The following FZR1 variants were observed in gnomAD, a reference collection of about 807,000 sequenced individuals.
FZR1 encodes fizzy-related protein homolog.
FZR1 carries 11 observed loss-of-function variants against 63.6 expected under a neutral mutation model. The observed-to-expected ratio is 0.17, with a 90% CI of 0.11 to 0.29. The LOEUF (loss-of-function observed/expected upper bound fraction) is 0.29. Among genes scored for constraint, FZR1 ranks in the 10% least tolerant of loss-of-function variants. FZR1 has a pLI of 1.00. For synonymous variants in FZR1, 328 were observed against 297.9 expected, an observed-to-expected ratio of 1.10 and a Z score of -1.04; for missense variants, 440 against 687.5, an observed-to-expected ratio of 0.64 and a Z score of 4.03.
rs1465364957 is a variant in FZR1, at chr19:3,525,358, C to T, written c.70-510C>T. Reference sequence around the variant, plus strand: ...GCCTGCCCGTGGGCCTGGCATCTCCCGGAGGCTTCTGGCACAGAAATCCCT... The same window carrying T: ...GCCTGCCCGTGGGCCTGGCATCTCCTGGAGGCTTCTGGCACAGAAATCCCT... On this transcript the variant is annotated intron_variant, in intron 2 of 13. Coordinates refer to ENST00000441788, the MANE Select transcript of FZR1 (RefSeq NM_016263.4). The surrounding 1 kb of genome is among the most constrained non-coding windows in gnomAD (Gnocchi z 4.2). Among the ~76,000 whole-genome samples, 7 of 151,254 alleles carry T rather than the reference C, an allele frequency of 4.6e-5. No individual in the cohort carries two copies. The highest frequency in any genetic ancestry group is 8.8e-5 in the Non-Finnish European group (6 of 67,898).
intron 1 of FZR1, among the ~76,000 whole-genome samples, 172 bp downstream of exon 1, chr19:3,506,646 G>T (rs1347278512): frequency 6.6e-6 from 1 of 151,552 alleles, no homozygotes; most frequent in African/African-American, 2.4e-5. Context: ...CTAGGCCCGG[G>T]TGACCTCAGC....
Position 3,516,941 on chromosome 19 carries a change from T to A in FZR1, c.-34-6015T>A, listed in dbSNP as rs1822957844. On this transcript the variant is annotated intron_variant, in intron 1 of 13. Transcript: ENST00000441788. This position sits in a 1 kb window ranked among gnomAD's most constrained non-coding sequence, Gnocchi z 6.0. ...GCAGCTGCAGCTGGCGCCCGGTGTA[T>A]TTGCTTTCAGTGCTGACTTCAGGGC... Among the ~76,000 whole-genome samples, 1 of 152,196 alleles carries A rather than the reference T, an allele frequency of 6.6e-6. No individual in the cohort carries two copies. Among genetic ancestry groups the A allele is most frequent in the African/African-American group, 2.4e-5 (1 of 41,448 alleles).
In FZR1 at chr19:3,527,682, C is replaced by T. The variant is rs753637347; in HGVS notation, c.522C>T (p.Ile174=). The T allele has an allele frequency of 1.2e-6, 2 of 1,612,142 alleles. No individual in the cohort carries two copies. The highest frequency in any genetic ancestry group is 1.7e-4 in the Middle Eastern group (1 of 6,056). Residue 174 remains isoleucine, a synonymous_variant, in exon 7 of 14, where the codon ATC becomes ATT. Coordinates refer to ENST00000441788, the MANE Select transcript of FZR1 (RefSeq NM_016263.4). ...PRKPTRKISK[I]PFKVLDAPEL... ...AACCCACCCGCAAGATCTCCAAGAT[C>T]CCCTTCAAGGTGCTGGACGCGCCCG...
intron 7 of FZR1, among the ~76,000 whole-genome samples, chr19:3,529,099 T>TGAGCGGATGGGA (rs1211015129): frequency 1.7e-3 from 80 of 46,632 alleles, no homozygotes; most frequent in Non-Finnish European, 2.6e-3. Flanking sequence ...AGCAGACGGT[T>TGAGCGGATGGGA]GAGCGGATGG....
chr19:3,527,085 G>A (rs778182191), intron 6 of FZR1, 23 bp downstream of exon 6: 1 of 1,526,080 alleles, frequency 6.6e-7, no homozygotes, highest in Admixed American at 1.7e-5. Context: ...TTCCTCCGCA[G>A]CCCTCCCTAC....
Position 3,530,855 on chromosome 19 carries a change from C to A in FZR1, c.718C>A (p.Arg240=), listed in dbSNP as rs754547127. Residue 240 remains arginine (R), a splice_region_variant and synonymous_variant, in exon 8 of 14, where the codon CGG becomes AGG. Coordinates refer to ENST00000441788, the MANE Select transcript of FZR1 (RefSeq NM_016263.4). ...DSVTSVGWSE[R]GNLVAVGTHK... The stretch of plus-strand genomic sequence containing the variant: ...AGTGACCTCCGTGGGCTGGTCTGAG[C>A]GGGTGAGTGCAGAGGGCTTGGCCCC... 1.9e-6 allele frequency: 3 copies of A among 1,611,048 alleles called. No homozygotes were observed. The highest frequency in any genetic ancestry group is 2.5e-6 in the Non-Finnish European group (3 of 1,178,220).
Position 3,525,604 on chromosome 19 carries a change from G to A in FZR1, c.70-264G>A, listed in dbSNP as rs1324537887. On this transcript the variant is annotated intron_variant, in intron 2 of 13. Transcript: ENST00000441788. This position sits in a 1 kb window ranked among gnomAD's most constrained non-coding sequence, Gnocchi z 4.2. ...ACTACAGGCGCCTGCCACCACGCCC[G>A]GCTGATTTTTTGTATTTTTAGTAGA... is the stretch of plus-strand genomic sequence containing the variant. Among the ~76,000 whole-genome samples the A allele has an allele frequency of 6.6e-6, 1 of 151,904 alleles. No individual in the cohort carries two copies. Among genetic ancestry groups the A allele is most frequent in the African/African-American group, 2.4e-5 (1 of 41,382 alleles).
At position 3,533,437 on chromosome 19, in the gene FZR1, C is replaced by A. The variant is rs919748180; in HGVS notation, c.1347+39C>A. 1.7e-5 allele frequency: 22 copies of A among 1,272,266 alleles called. No homozygotes were observed. The highest frequency in any genetic ancestry group is 2.4e-5 in the Non-Finnish European group (21 of 870,568). The allele number at this position is 1,272,266 out of a possible 1,614,324, so 78.8% of individuals were successfully genotyped here. On this transcript the variant is annotated intron_variant, in intron 12 of 13. Coordinates refer to ENST00000441788, the MANE Select transcript of FZR1 (RefSeq NM_016263.4). The surrounding 1 kb of genome is among the most constrained non-coding windows in gnomAD (Gnocchi z 4.9). ...AGGCACTTCAAGGTGCCCCGGGATT[C>A]TGGACAAACTGCCATGGCCACCCCA... is the stretch of plus-strand genomic sequence containing the variant.
intron 1 of FZR1, among the ~76,000 whole-genome samples, chr19:3,509,407 G>A (rs747883852): frequency 6.6e-6 from 1 of 152,182 alleles, no homozygotes; most frequent in Non-Finnish European, 1.5e-5. Context: ...TTCCTACTCC[G>A]TCTGGTTCTT....
At chr19:3,519,053 A>G (rs1456497972) in intron 1 of FZR1, among the ~76,000 whole-genome samples, 1 of 152,180 alleles carries the variant, frequency 6.6e-6, no homozygotes, top group Non-Finnish European at 1.5e-5. Context: ...ACCACATCCA[A>G]CACAGGATGG....
At chr19:3,530,255 CGG>C (rs1568238726) in intron 7 of FZR1, among the ~76,000 whole-genome samples, 2 of 102,758 alleles carry the variant, frequency 1.9e-5, no homozygotes, top group African/African-American at 4.0e-5. Flanking sequence ...GATGGGTGAG[CGG>C]ATGGGAGAGC....
chr19:3,521,101 C>T (rs2083097843), intron 1 of FZR1: 1 of 152,324 alleles, frequency 6.6e-6, no homozygotes, highest in South Asian at 2.1e-4. Flanking sequence ...GTTCGTCCCT[C>T]ACCTGTTGAT....
intron 2 of FZR1, among the ~76,000 whole-genome samples, chr19:3,524,163 C>T (rs1174102622): frequency 2.0e-5 from 3 of 152,198 alleles, no homozygotes; most frequent in Non-Finnish European, 4.4e-5. Context: ...CGCCCAGCAG[C>T]AGGAGCAGCC....
intron 6 of FZR1, among the ~76,000 whole-genome samples, 168 bp downstream of exon 6, chr19:3,527,230 A>G (rs1025337684): frequency 2.0e-5 from 3 of 152,176 alleles, no homozygotes; most frequent in Non-Finnish European, 4.4e-5. Flanking sequence ...GTCCTCCCCC[A>G]GAGTCCTTAG....
At chr19:3,517,611 C>G (rs1331513601) in intron 1 of FZR1, among the ~76,000 whole-genome samples, 1 of 151,854 alleles carries the variant, frequency 6.6e-6, no homozygotes, top group Non-Finnish European at 1.5e-5. Flanking sequence ...TTGCTTGAAC[C>G]CGGGAGGCAG....
chr19:3,526,973 T>C lies in FZR1; in HGVS notation c.388-7T>C. 1 of 1,607,020 alleles carries C rather than the reference T, an allele frequency of 6.2e-7. No individual in the cohort carries two copies. Among genetic ancestry groups the C allele is most frequent in the East Asian group, 2.2e-5 (1 of 44,854 alleles). ...TGCGCTCAGCTGGCATGTCCCCCGC[T>C]CCACAGTATTCCCTTAGCACCAAGC... On this transcript the variant is annotated splice_polypyrimidine_tract_variant and splice_region_variant and intron_variant, in intron 5 of 13. Coordinates refer to ENST00000441788, the MANE Select transcript of FZR1 (RefSeq NM_016263.4). This position sits in a 1 kb window ranked among gnomAD's most constrained non-coding sequence, Gnocchi z 5.4.
Position 3,531,727 on chromosome 19 carries a change from C to T in FZR1, c.734C>T (p.Ala245Val), listed in dbSNP as rs1479148825. The change falls in exon 9 of 14, where the codon GCG (alanine) becomes GTG (valine). Residue 245 changes from alanine (A) to valine (V), a missense_variant. Physicochemically the swap from Ala to Val is moderately conservative, Grantham distance 64 (BLOSUM62 0). Around this residue, in one of 5 missense-constraint regions of FZR1, gnomAD observed 208 missense variants for 363.6 expected, o/e 0.57. Transcript: ENST00000441788. ...VGWSERGNLV[A>V]VGTHKGFVQI... ...CTTCCATCCTAGGGGAACCTGGTGGCGGTGGGCACACACAAGGGCTTCGTG... is the reference window on the plus strand; with the variant it reads ...CTTCCATCCTAGGGGAACCTGGTGGTGGTGGGCACACACAAGGGCTTCGTG... 3.9e-6 allele frequency: 6 copies of T among 1,548,910 alleles called. No individual in the cohort carries two copies. The highest frequency in any genetic ancestry group is 4.4e-6 in the Non-Finnish European group (5 of 1,145,866).
At chr19:3,528,881 G>T (rs2083193488) in intron 7 of FZR1, among the ~76,000 whole-genome samples, 1 of 150,356 alleles carries the variant, frequency 6.7e-6, no homozygotes, top group African/African-American at 2.5e-5. Flanking sequence ...ATGGGAAAGT[G>T]GATGAGAGTG....
chr19:3,508,257 C>T (rs866234936), intron 1 of FZR1, among the ~76,000 whole-genome samples: 1 of 131,664 alleles, frequency 7.6e-6, no homozygotes, highest in African/African-American at 3.0e-5. Context: ...AGTCCAGTGG[C>T]GCGATCTCGG....
Sources: gnomAD v4.1 joint callset for allele counts (sites outside exome capture counted in the v4.1 genomes callset) on GRCh38, gnomAD v4.1.1 for gene constraint, gnomAD v4.1.1 regional missense constraint, Gnocchi (gnomAD v3.1) non-coding constraint, MANE v1.5 for transcripts, NCBI Gene and HGNC (gene_info 2026-07-23, HGNC 2026-07-21) for gene names.